Variants in NOC4L observed in about 807,000 individuals in gnomAD.
NOC4L encodes the protein nucleolar complex associated 4 homolog.
Under a neutral mutation model 62.8 loss-of-function variants are expected in NOC4L, and 40 were observed. That is an observed-to-expected ratio of 0.64 (90% confidence interval 0.49 to 0.83). NOC4L has a LOEUF of 0.83. Ranked by LOEUF, NOC4L falls within the 40% of genes least tolerant of loss-of-function variation. NOC4L has a pLI of 0.00. For missense variants in NOC4L, 927 were observed against 701.9 expected, an observed-to-expected ratio of 1.32 and a Z score of -3.62; for synonymous variants, 433 against 299.8, an observed-to-expected ratio of 1.44 and a Z score of -4.59.
rs376457318 is a variant in NOC4L, at chr12:132,152,189, G to C, written c.1423G>C (p.Ala475Pro). 6.2e-7 allele frequency: 1 copy of C among 1,611,650 alleles called. No homozygotes were observed. Among genetic ancestry groups the C allele is most frequent in the Non-Finnish European group, 8.5e-7 (1 of 1,179,726 alleles). Residue 475 changes from alanine (A) to proline (P), a missense_variant, in exon 14 of 15, where the codon GCC becomes CCC. Physicochemically the swap from Ala to Pro is conservative, Grantham distance 27. Coordinates refer to ENST00000330579, the MANE Select transcript of NOC4L (RefSeq NM_024078.3). ...CATCGCGCCACTGCTGGAGCTCACG[G>C]CCTACGAGGTGCGGAACTGGGCCAG... ...VSIAPLLELT[A>P]YEIFERDLKK... is the part of the protein sequence containing the mutation.
At chr12:132,151,991 C>T (rs949370565) in intron 13 of NOC4L, 93 bp from the exon 14 acceptor site, 20 of 1,340,114 alleles carry the variant, frequency 1.5e-5, no homozygotes, top group African/African-American at 7.4e-5. Context: ...GTCCCGACCC[C>T]GCCCACTCTG....
At chr12:132,146,490 C>G in intron 3 of NOC4L, 1 of 396,722 alleles carries the variant, frequency 2.5e-6, no homozygotes. Flanking sequence ...AGTGGAATTA[C>G]AAGGCCACAC....
Position 132,152,246 on chromosome 12 carries a change from C to G in NOC4L, c.1432-36C>G, listed in dbSNP as rs898694799. 4.4e-6 allele frequency: 7 copies of G among 1,596,348 alleles called. No homozygotes were observed. In the African/African-American group the frequency reaches 6.7e-5, roughly 15 times the overall value. Reference sequence around the variant, plus strand: ...AGGGTCTGGGCCACGGGGCGCTGAGCCAAGCCTGAGAGCCGCCGTGCTTTG... The same window carrying G: ...AGGGTCTGGGCCACGGGGCGCTGAGGCAAGCCTGAGAGCCGCCGTGCTTTG... On this transcript the variant is annotated intron_variant, in intron 14 of 14. Transcript: ENST00000330579.
intron 14 of NOC4L, 23 bp downstream of exon 14, chr12:132,152,220 G>A (rs565771491): frequency 9.3e-5 from 150 of 1,607,138 alleles, no homozygotes; most frequent in African/African-American, 6.8e-4. Context: ...GCCAGGGTGC[G>A]AGGGTCTGGG....
chr12:132,144,969 T>C lies in NOC4L; in HGVS notation c.233T>C (p.Met78Thr). The C allele has an allele frequency of 6.3e-7, 1 of 1,598,376 alleles. No individual in the cohort carries two copies. The highest frequency in any genetic ancestry group is 8.5e-7 in the Non-Finnish European group (1 of 1,173,392). ...CAGCTGCCCTCTGAGGAGATGGTCA[T>C]GACAGGTGAGCCCTGGAGGGCCCCG... ...VGQLPSEEMV[M>T]TGSQGATRKY... Residue 78 changes from methionine (M) to threonine (T), a missense_variant, in exon 2 of 15, where the codon ATG becomes ACG. Physicochemically the swap from Met to Thr is moderately conservative, Grantham distance 81. Coordinates refer to ENST00000330579, the MANE Select transcript of NOC4L (RefSeq NM_024078.3).
intron 8 of NOC4L, 28 bp from the exon 9 acceptor site, chr12:132,148,756 T>A (rs770313825): frequency 1.2e-5 from 3 of 256,102 alleles, no homozygotes; most frequent in South Asian, 2.2e-4. Context: ...CACCCGCCCC[T>A]CACCCCCACC....
chr12:132,152,008 A>G, intron 13 of NOC4L, 76 bp from the exon 14 acceptor site: 1 of 1,418,914 alleles, frequency 7.0e-7, no homozygotes, highest in Non-Finnish European at 9.6e-7. Context: ...TCTGGTTGGG[A>G]GCACAGGGAG....
At chr12:132,148,719 C>A in intron 8 of NOC4L, 60 bp downstream of exon 8, 3 of 1,320,544 alleles carry the variant, frequency 2.3e-6, no homozygotes, top group Admixed American at 4.5e-5. Context: ...AGGGCGGAGG[C>A]CTCACCCCGA....
intron 7 of NOC4L, 37 bp downstream of exon 7, chr12:132,148,143 T>C: frequency 6.2e-7 from 1 of 1,609,370 alleles, no homozygotes; most frequent in Non-Finnish European, 8.5e-7. Flanking sequence ...CCCTCCCGGG[T>C]TTGGGGGTGT....
rs1474905826 is a variant in NOC4L, at chr12:132,151,759, A to T, written c.1256A>T (p.Asp419Val). Residue 419 changes from aspartate to valine, a missense_variant, in exon 13 of 15, where the codon GAC becomes GTC. By Grantham distance (152) the Asp-to-Val change is radical. Coordinates refer to ENST00000330579, the MANE Select transcript of NOC4L (RefSeq NM_024078.3). The stretch of plus-strand genomic sequence containing the variant: ...CTAGAGTTGGACGCCGACCCCTACG[A>T]CCCTGGAGAGGAGGACCCAGCCCAG... The part of the protein sequence containing the change: ...HGPELDADPY[D>V]PGEEDPAQSR... 5 of 1,611,844 alleles carry T rather than the reference A, an allele frequency of 3.1e-6. No homozygotes were observed. Among genetic ancestry groups the T allele is most frequent in the African/African-American group, 1.3e-5 (1 of 74,792 alleles).
Position 132,147,288 on chromosome 12 carries a change from C to T in NOC4L, c.353C>T (p.Ala118Val), listed in dbSNP as rs775563212. 2 of 1,546,880 alleles carry T rather than the reference C, an allele frequency of 1.3e-6. No individual in the cohort carries two copies. Among genetic ancestry groups the T allele is most frequent in the South Asian group, 1.2e-5 (1 of 83,600 alleles). Residue 118 changes from alanine to valine, a missense_variant, in exon 4 of 15, where the codon GCC (alanine) becomes GTC (valine). Coordinates refer to ENST00000330579, the MANE Select transcript of NOC4L (RefSeq NM_024078.3). ...GCACTGCCCCCTTCCCAGGAGCTGG[C>T]CCTCAGCGCACTCCTGAAGTTCGTG... ...GHPSFQVKELALSALLKFVQL... is the reference protein window; with the variant it reads ...GHPSFQVKELVLSALLKFVQL...
At chr12:132,144,661 G>T in intron 1 of NOC4L, 56 bp downstream of exon 1, 1 of 1,459,604 alleles carries the variant, frequency 6.9e-7, no homozygotes, top group South Asian at 1.4e-5. Context: ...GGACTTGAAT[G>T]GGGGGCTGCG....
rs145276756 is a variant in NOC4L, at chr12:132,148,819, T to C, written c.825T>C (p.Ile275=). 2.5e-6 allele frequency: 4 copies of C among 1,603,354 alleles called. No individual in the cohort carries two copies. The highest frequency in any genetic ancestry group is 1.3e-5 in the African/African-American group (1 of 74,164). The change falls in exon 9 of 15, where the codon ATT becomes ATC. Residue 275 remains isoleucine, a synonymous_variant. Transcript: ENST00000330579. ...GCCTCTACAAGAAGGTGCTGCTGAT[T>C]GTGCATGACGCCATCCTGCCGCAGC... ...PLSLYKKVLL[I]VHDAILPQLA...
At position 132,151,309 on chromosome 12, in the gene NOC4L, C is replaced by G; in HGVS notation, c.1014C>G (p.Val338=). 1 of 1,612,046 alleles carries G rather than the reference C, an allele frequency of 6.2e-7. No individual in the cohort carries two copies. The highest frequency in any genetic ancestry group is 8.5e-7 in the Non-Finnish European group (1 of 1,179,968). ...TCTACGGCCTCTTGGACCCCTCTGT[C>G]TTTCACGTCAAGTACCGCGCCCGCT... ...RKLYGLLDPS[V]FHVKYRARFF... is the part of the protein sequence containing the mutation. The change falls in exon 11 of 15, where the codon GTC becomes GTG. Residue 338 remains valine (V), a synonymous_variant. Coordinates refer to ENST00000330579, the MANE Select transcript of NOC4L (RefSeq NM_024078.3).
chr12:132,151,317 T>A lies in NOC4L; in HGVS notation c.1022T>A (p.Val341Asp), dbSNP rs756283280. The A allele has an allele frequency of 6.2e-7, 1 of 1,611,760 alleles. No individual in the cohort carries two copies. The highest frequency in any genetic ancestry group is 1.3e-5 in the African/African-American group (1 of 74,922). Residue 341 changes from valine (V) to aspartate (D), a missense_variant, in exon 11 of 15, where the codon GTC becomes GAC. Coordinates refer to ENST00000330579, the MANE Select transcript of NOC4L (RefSeq NM_024078.3). The part of the protein sequence containing the change: ...YGLLDPSVFH[V>D]KYRARFFHLA... The stretch of plus-strand genomic sequence containing the variant: ...CTCTTGGACCCCTCTGTCTTTCACG[T>A]CAAGTACCGCGCCCGCTTCTTCCAC...
chr12:132,148,101 C>T lies in NOC4L; in HGVS notation c.733C>T (p.Leu245=), dbSNP rs770580126. The part of the protein sequence containing the change: ...ELWDTWKVAH[L]KEHRRVFQAM... ...GTGGGACACCTGGAAGGTTGCTCACCTGAAGGTGAGTTGCTTCTGGAGAGC... is the reference window on the plus strand; with the variant it reads ...GTGGGACACCTGGAAGGTTGCTCACTTGAAGGTGAGTTGCTTCTGGAGAGC... Residue 245 remains leucine, a synonymous_variant, in exon 7 of 15, where the codon CTG becomes TTG. Coordinates refer to ENST00000330579, the MANE Select transcript of NOC4L (RefSeq NM_024078.3). 5.0e-6 allele frequency: 8 copies of T among 1,613,360 alleles called. No individual in the cohort carries two copies. The East Asian group carries it at 8.9e-5, about 18-fold the overall frequency.
intron 8 of NOC4L, 49 bp from the exon 9 acceptor site, chr12:132,148,735 C>CCCCGGGGGGG: frequency 3.4e-5 from 44 of 1,309,020 alleles, no homozygotes; most frequent in East Asian, 5.6e-5. Context: ...CCCGACCCGC[C>CCCCGGGGGGG]GGCCCCCGCC....
In NOC4L at chr12:132,151,039, C is replaced by T. The variant is rs748317537; in HGVS notation, c.960C>T (p.Asn320=). Residue 320 remains asparagine, a splice_region_variant and synonymous_variant, in exon 10 of 15, where the codon AAC becomes AAT. Transcript: ENST00000330579. ...NGLFILIHKH[N]LEYPDFYRKL... is the part of the protein sequence containing the mutation. ...TGTTCATCTTGATTCACAAACACAACCTGTGAGTGTCACCAGGGGTGCAGG... is the reference window on the plus strand; with the variant it reads ...TGTTCATCTTGATTCACAAACACAATCTGTGAGTGTCACCAGGGGTGCAGG... The T allele has an allele frequency of 1.9e-6, 3 of 1,610,230 alleles. No individual in the cohort carries two copies. Among genetic ancestry groups the T allele is most frequent in the Non-Finnish European group, 2.5e-6 (3 of 1,178,326 alleles).
At chr12:132,148,560 C>T in intron 7 of NOC4L, 49 bp from the exon 8 acceptor site, 1 of 1,543,674 alleles carries the variant, frequency 6.5e-7, no homozygotes, top group African/African-American at 1.4e-5. Context: ...TGCTCGGGCT[C>T]TGGTCTGGGG....
Sources: allele counts gnomAD v4.1 joint callset, GRCh38; gene constraint gnomAD v4.1.1; transcripts MANE v1.5; gene names NCBI Gene and HGNC (gene_info 2026-07-23, HGNC 2026-07-21).